TMEM51: variants seen among roughly 807,000 people sequenced by gnomAD.
TMEM51 encodes the protein transmembrane protein 51, also known as chromosome 1 open reading frame 72.
In TMEM51, 8 loss-of-function variants were observed where a neutral mutation model predicts 13.6. The observed-to-expected ratio is 0.59, with a 90% CI of 0.35 to 1.07. The LOEUF (loss-of-function observed/expected upper bound fraction) is 1.07. Among genes scored for constraint, TMEM51 ranks in the 50% least tolerant of loss-of-function variants. The pLI, the probability that TMEM51 is intolerant of heterozygous loss-of-function variation, is 0.02. For missense variants in TMEM51, 279 were observed against 330.7 expected (o/e 0.84, Z 1.21); for synonymous variants, 147 against 144.4 (o/e 1.02, Z -0.13).
At chr1:15,153,650 C>A (rs1347364726), upstream of TMEM51, 1 of 151,998 alleles carries the variant, frequency 6.6e-6, no homozygotes, top group African/African-American at 2.4e-5. Flanking sequence ...GAGGGAGGGT[C>A]GGCCGGTGGG....
At chr1:15,169,533 C>A (rs1184804213) in intron 1 of TMEM51, among the ~76,000 whole-genome samples, 1 of 152,174 alleles carries the variant, frequency 6.6e-6, no homozygotes, top group Non-Finnish European at 1.5e-5. Flanking sequence ...CAAATATCAA[C>A]CCCCAAAAGC....
At chr1:15,183,387 A>G (rs1643678429) in intron 1 of TMEM51, among the ~76,000 whole-genome samples, 1 of 152,130 alleles carries the variant, frequency 6.6e-6, no homozygotes, top group Non-Finnish European at 1.5e-5. Context: ...ATCACTCCCC[A>G]CCTAGCCCCA....
At chr1:15,216,192 G>A (rs1439422339) in intron 3 of TMEM51, among the ~76,000 whole-genome samples, 5 of 152,180 alleles carry the variant, frequency 3.3e-5, no homozygotes, top group Non-Finnish European at 5.9e-5. Context: ...CCAGCATGCT[G>A]TGTGTATGCT....
chr1:15,168,722 G>A (rs1483490558), intron 1 of TMEM51: 2 of 1,304,480 alleles, frequency 1.5e-6, no homozygotes, highest in Non-Finnish European at 2.0e-6. Flanking sequence ...GCCAGTGACT[G>A]GGAACGTCTC....
intron 1 of TMEM51, among the ~76,000 whole-genome samples, chr1:15,206,115 T>C (rs1158717198): frequency 6.6e-6 from 1 of 151,640 alleles, no homozygotes; most frequent in Admixed American, 6.6e-5. Flanking sequence ...TGTGTGCCTG[T>C]AGTCCCAGCT....
intron 1 of TMEM51, 97 bp downstream of exon 1, chr1:15,154,051 C>G (rs1284307864): frequency 6.6e-6 from 1 of 152,194 alleles, no homozygotes; most frequent in Non-Finnish European, 1.5e-5. Flanking sequence ...CCGTTTGGGT[C>G]TCCTGTCCGT....
intron 1 of TMEM51, among the ~76,000 whole-genome samples, chr1:15,187,470 G>A (rs181245258): frequency 1.9e-3 from 288 of 152,292 alleles, no homozygotes; most frequent in Middle Eastern, 6.8e-3. Context: ...GGTGATGCCT[G>A]TAGGTCCTAG....
intron 1 of TMEM51, among the ~76,000 whole-genome samples, chr1:15,157,142 C>T (rs940179501): frequency 3.9e-5 from 6 of 152,182 alleles, no homozygotes; most frequent in Non-Finnish European, 7.3e-5. Context: ...CCCTCCCAGA[C>T]AGCCCCAAGA....
intron 1 of TMEM51, among the ~76,000 whole-genome samples, chr1:15,189,237 G>A (rs1375899031): frequency 2.0e-5 from 1 of 49,236 alleles, no homozygotes; most frequent in Admixed American, 1.8e-4. Context: ...TTTTTTTTTA[G>A]TAGAGACAGG....
chr1:15,159,008 C>A (rs1036239958), intron 1 of TMEM51, among the ~76,000 whole-genome samples: 1 of 152,130 alleles, frequency 6.6e-6, no homozygotes, highest in East Asian at 1.9e-4. Flanking sequence ...TGGTAAGAAC[C>A]TTGCGCAATG....
At chr1:15,193,575 C>CTTTTTTTTTTTTTTTTTTTTTTTTTT (rs3078881) in intron 1 of TMEM51, among the ~76,000 whole-genome samples, 11 of 114,656 alleles carry the variant, frequency 9.6e-5, no homozygotes, top group South Asian at 5.6e-4. Context: ...TTCTTTCTTT[C>CTTTTTTTTTTTTTTTTTTTTTTTTTT]TTTTTTTTTT....
chr1:15,196,857 A>G (rs1176779972), intron 1 of TMEM51, among the ~76,000 whole-genome samples: 1 of 152,228 alleles, frequency 6.6e-6, no homozygotes, highest in Non-Finnish European at 1.5e-5. Flanking sequence ...GCAGAATTCT[A>G]AAGATAAGTG....
chr1:15,158,662 AG>A (rs1349986900), intron 1 of TMEM51, among the ~76,000 whole-genome samples: 3 of 152,170 alleles, frequency 2.0e-5, no homozygotes, highest in Non-Finnish European at 4.4e-5. Flanking sequence ...TCGGTGATTC[AG>A]GTAGGACACC....
intron 1 of TMEM51, among the ~76,000 whole-genome samples, chr1:15,182,203 A>ACTG (rs1557841714): frequency 9.2e-5 from 7 of 76,354 alleles, no homozygotes; most frequent in Admixed American, 1.7e-4. Flanking sequence ...TAAATAAATA[A>ACTG]ATAACTGCAC....
chr1:15,176,989 C>T (rs1477362758), intron 1 of TMEM51, among the ~76,000 whole-genome samples: 10 of 152,036 alleles, frequency 6.6e-5, no homozygotes, highest in South Asian at 4.2e-4. Flanking sequence ...TGGATATGGG[C>T]GGGAGTTGCA....
At chr1:15,160,178 T>C (rs1468488128) in intron 1 of TMEM51, among the ~76,000 whole-genome samples, 2 of 152,212 alleles carry the variant, frequency 1.3e-5, no homozygotes, top group African/African-American at 2.4e-5. Context: ...CCTTACCTTA[T>C]CCTACCTTTT....
At chr1:15,178,476 T>C (rs1643516194) in intron 1 of TMEM51, among the ~76,000 whole-genome samples, 1 of 152,210 alleles carries the variant, frequency 6.6e-6, no homozygotes, top group South Asian at 2.1e-4. Context: ...GTCCTTCATC[T>C]GGCCCAAGAA....
Position 15,208,182 on chromosome 1 carries a change from T to A in TMEM51, c.-266-2308T>A, listed in dbSNP as rs75302765. On this transcript the variant is annotated intron_variant, in intron 1 of 3. Transcript: ENST00000376008. ...GATTACTACTGACTGCAAAGTGTTA[T>A]CATCACCCATGGGAAGGAAAGGCAA... Among the ~76,000 whole-genome samples the A allele has an allele frequency of 4.3e-4, 66 of 152,254 alleles. No individual in the cohort carries two copies. In the East Asian group the frequency reaches 0.012, roughly 27 times the overall value.
intron 1 of TMEM51, among the ~76,000 whole-genome samples, chr1:15,185,767 C>T (rs1367737483): frequency 8.5e-5 from 13 of 152,232 alleles, no homozygotes; most frequent in Admixed American, 8.5e-4. Flanking sequence ...TTTTCACTGG[C>T]TGAACTGAGT....
Sources: gnomAD v4.1 joint callset for allele counts (sites outside exome capture counted in the v4.1 genomes callset) on GRCh38, gnomAD v4.1.1 for gene constraint, MANE v1.5 for transcripts, NCBI Gene and HGNC (gene_info 2026-07-23, HGNC 2026-07-21) for gene names.